The following GALNT4 variants were observed in gnomAD, a reference collection of about 807,000 sequenced individuals.
GALNT4 encodes the protein polypeptide N-acetylgalactosaminyltransferase 4.
In GALNT4, 23 loss-of-function variants were observed where a neutral mutation model predicts 45.1. That is an observed-to-expected ratio of 0.51 (90% CI 0.37 to 0.72). The LOEUF is 0.72. GALNT4 is among the 30% of genes least tolerant of loss of function. The pLI, the probability that GALNT4 is intolerant of heterozygous loss-of-function variation, is 0.00. For synonymous variants in GALNT4, 264 were observed against 257.6 expected (o/e 1.02, Z -0.24); for missense variants, 757 against 709.0 (o/e 1.07, Z -0.77).
At position 89,524,487 on chromosome 12, in the gene GALNT4, G is replaced by C. The variant is rs1024492272; in HGVS notation, c.63C>G (p.Ala21=). The C allele has an allele frequency of 8.1e-6, 13 of 1,613,168 alleles. No individual in the cohort carries two copies. The highest frequency in any genetic ancestry group is 1.7e-5 in the Admixed American group (1 of 60,012). The change falls in exon 1 of 1, where the codon GCC becomes GCG. Residue 21 remains alanine (A), a synonymous_variant. Transcript: ENST00000529983. ...AGACCAAGAGCTCCACGAAGATATA[G>C]GCCACTGTTAAAAACGCCAGCAGCA... The part of the protein sequence containing the change: ...SCLLLAFLTV[A]YIFVELLVST...
chr12:89,524,115 G>C lies in GALNT4; in HGVS notation c.435C>G (p.Asn145Lys), dbSNP rs557300871. Residue 145 changes from asparagine to lysine, a missense_variant, in exon 1 of 1, where the codon AAC becomes AAG. By Grantham distance (94) the Asn-to-Lys change is moderately conservative (BLOSUM62 0). Transcript: ENST00000529983. ...PTTSVIIAFY[N>K]EAWSTLLRTI... The stretch of plus-strand genomic sequence containing the variant: ...TACGGAGCAAAGTCGACCAGGCTTC[G>C]TTATAGAAAGCAATGATAACAGAGG... 23 of 1,613,874 alleles carry C rather than the reference G, an allele frequency of 1.4e-5. No individual in the cohort carries two copies. The highest frequency in any genetic ancestry group is 5.0e-5 in the Admixed American group (3 of 60,014).
chr12:89,523,348 G>C lies in GALNT4; in HGVS notation c.1202C>G (p.Ala401Gly). ...AATATCACCATAAGCTTCTTTTCTT[G>C]CTGGAGGGTTTCTATTGTAGAAGTG... ...KEHFYNRNPP[A>G]RKEAYGDISE... Residue 401 changes from alanine (A) to glycine (G), a missense_variant, in exon 1 of 1, where the codon GCA becomes GGA. Coordinates refer to ENST00000529983, the MANE Select transcript of GALNT4 (RefSeq NM_003774.5). 1 of 1,614,010 alleles carries C rather than the reference G, an allele frequency of 6.2e-7. No individual in the cohort carries two copies. Among genetic ancestry groups the C allele is most frequent in the Non-Finnish European group, 8.5e-7 (1 of 1,179,912 alleles).
chr12:89,521,500 TGAAAAGA>T lies in GALNT4; in HGVS notation c.*1306_*1312del, dbSNP rs1870869904. ...TCAACAACATTACCTATGTCAAAAG[TGAAAAGA>T]TAAAAAGTATTGTAAAGATTGCACA... On this transcript the variant is annotated 3_prime_UTR_variant, in exon 1 of 1. Coordinates refer to ENST00000529983, the MANE Select transcript of GALNT4 (RefSeq NM_003774.5). 6.6e-6 allele frequency: 1 copy of T among 152,376 alleles called. No individual in the cohort carries two copies. Among genetic ancestry groups the T allele is most frequent in the Non-Finnish European group, 1.5e-5 (1 of 68,260 alleles). The allele number at this position is 152,376 out of a possible 1,614,324, so 9.4% of individuals were successfully genotyped here. A position where few individuals can be genotyped will look rare whatever the true frequency, so the allele number is the denominator to read the frequency against.
Position 89,523,643 on chromosome 12 carries a change from G to A in GALNT4, c.907C>T (p.Pro303Ser), listed in dbSNP as rs758629788. 3 of 1,538,496 alleles carry A rather than the reference G, an allele frequency of 1.9e-6. No homozygotes were observed. The highest frequency in any genetic ancestry group is 1.4e-5 in the African/African-American group (1 of 72,174). ...CCAGCCATGGTAGGTGATCTGATGG[G>A]GTCAATTCTTGATATCCGCCTGTCC... The part of the protein sequence containing the change: ...ERDRRISRID[P>S]IRSPTMAGGL... The change falls in exon 1 of 1, where the codon CCC (proline) becomes TCC (serine). Residue 303 changes from proline to serine, a missense_variant. Physicochemically the swap from Pro to Ser is moderately conservative, Grantham distance 74 (BLOSUM62 -1). Coordinates refer to ENST00000529983, the MANE Select transcript of GALNT4 (RefSeq NM_003774.5).
rs1426915074 is a variant in GALNT4 at position 89,519,439 on chromosome 12, TA to T, written c.*3373del. 3.3e-5 allele frequency: 5 copies of T among 152,240 alleles called. No homozygotes were observed. Among genetic ancestry groups the T allele is most frequent in the African/African-American group, 1.2e-4 (5 of 41,466 alleles). 9.4% of individuals were successfully genotyped at this position (152,240 alleles called of 1,614,324 possible). Reference sequence around the variant, plus strand: ...TGCAAAAATAATCAGGCACACTTTTTATTTTACATCTTAATCAACATTACAA... The same window carrying T: ...TGCAAAAATAATCAGGCACACTTTTTTTTTACATCTTAATCAACATTACAA... On this transcript the variant is annotated 3_prime_UTR_variant, in exon 1 of 1. Transcript: ENST00000529983.
Position 89,523,195 on chromosome 12 carries a change from C to T in GALNT4, c.1355G>A (p.Gly452Glu), listed in dbSNP as rs762240631. Residue 452 changes from glycine (G) to glutamate (E), a missense_variant, in exon 1 of 1, where the codon GGG (glycine) becomes GAG (glutamate). Coordinates refer to ENST00000529983, the MANE Select transcript of GALNT4 (RefSeq NM_003774.5). Reference sequence around the variant, plus strand: ...ATAATCTAAACATTCAGACGAGATCCCTCTACTGCGAATAGCCCCATGCCA... The same window carrying T: ...ATAATCTAAACATTCAGACGAGATCTCTCTACTGCGAATAGCCCCATGCCA... ...PGWHGAIRSR[G>E]ISSECLDYNS... The T allele has an allele frequency of 4.3e-6, 7 of 1,613,780 alleles. No homozygotes were observed. In the Admixed American group the frequency reaches 1.2e-4, roughly 27 times the overall value.
In GALNT4 at chr12:89,523,832, G is replaced by C. The variant is rs760474410; in HGVS notation, c.718C>G (p.Leu240Val). Residue 240 changes from leucine (L) to valine (V), a missense_variant, in exon 1 of 1, where the codon CTT becomes GTT. By Grantham distance (32) the Leu-to-Val change is conservative (BLOSUM62 1). Coordinates refer to ENST00000529983, the MANE Select transcript of GALNT4 (RefSeq NM_003774.5). ...CECNSGWLEPLLERIGRDETA... is the reference protein window; with the variant it reads ...CECNSGWLEPVLERIGRDETA... ...TCATCTCTCCCAATCCTTTCCAAAAGCGGTTCCAGCCAACCGGAATTACAC... is the reference window on the plus strand; with the variant it reads ...TCATCTCTCCCAATCCTTTCCAAAACCGGTTCCAGCCAACCGGAATTACAC... 19 of 1,542,176 alleles carry C rather than the reference G, an allele frequency of 1.2e-5. No individual in the cohort carries two copies. Among genetic ancestry groups the C allele is most frequent in the Non-Finnish European group, 1.6e-5 (18 of 1,150,110 alleles).
In GALNT4 at chr12:89,522,082, C is replaced by G. The variant is rs1255577429; in HGVS notation, c.*731G>C. Reference sequence around the variant, plus strand: ...CACACAAACACGTTCACAGAGAAGACAGCTTACAAAATCAGAGGAATCTGA... The same window carrying G: ...CACACAAACACGTTCACAGAGAAGAGAGCTTACAAAATCAGAGGAATCTGA... On this transcript the variant is annotated 3_prime_UTR_variant, in exon 1 of 1. Coordinates refer to ENST00000529983, the MANE Select transcript of GALNT4 (RefSeq NM_003774.5). 1.5e-5 allele frequency: 6 copies of G among 399,004 alleles called. No homozygotes were observed. In the East Asian group the frequency reaches 2.1e-4, roughly 14 times the overall value. 24.7% of individuals were successfully genotyped at this position (399,004 alleles called of 1,614,324 possible). A position where few individuals can be genotyped will look rare whatever the true frequency, so the allele number is the denominator to read the frequency against.
chr12:89,524,715 C>T lies in GALNT4; in HGVS notation c.-166G>A. 1 of 709,564 alleles carries T rather than the reference C, an allele frequency of 1.4e-6. No homozygotes were observed. The highest frequency in any genetic ancestry group is 2.4e-6 in the Non-Finnish European group (1 of 422,574). 44.0% of individuals were successfully genotyped at this position (709,564 alleles called of 1,614,324 possible). A position where few individuals can be genotyped will look rare whatever the true frequency, so the allele number is the denominator to read the frequency against. Reference sequence around the variant, plus strand: ...CAGGCTTTCCAGGGGTCACCTGAGCCCTCTCGGTCCTCGGCCTCCGGCACA... The same window carrying T: ...CAGGCTTTCCAGGGGTCACCTGAGCTCTCTCGGTCCTCGGCCTCCGGCACA... On this transcript the variant is annotated 5_prime_UTR_variant, in exon 1 of 1. Coordinates refer to ENST00000529983, the MANE Select transcript of GALNT4 (RefSeq NM_003774.5).
Position 89,521,527 on chromosome 12 carries a change from T to A in GALNT4, c.*1286A>T, listed in dbSNP as rs1870874070. On this transcript the variant is annotated 3_prime_UTR_variant, in exon 1 of 1. Coordinates refer to ENST00000529983, the MANE Select transcript of GALNT4 (RefSeq NM_003774.5). ...AAAAGATAAAAAGTATTGTAAAGAT[T>A]GCACAGTGAGTCAATCTGGGAAGAA... The A allele has an allele frequency of 6.5e-6, 1 of 153,614 alleles. No individual in the cohort carries two copies. 9.5% of individuals were successfully genotyped at this position (153,614 alleles called of 1,614,324 possible). A position where few individuals can be genotyped will look rare whatever the true frequency, so the allele number is the denominator to read the frequency against.
At position 89,523,450 on chromosome 12, in the gene GALNT4, C is replaced by T. The variant is rs1383717064; in HGVS notation, c.1100G>A (p.Arg367Gln). 11 of 1,613,962 alleles carry T rather than the reference C, an allele frequency of 6.8e-6. No individual in the cohort carries two copies. The highest frequency in any genetic ancestry group is 4.0e-5 in the African/African-American group (3 of 74,926). ...CSHVGHVFPK[R>Q]APYARPNFLQ... ...GAAATTGGGGCGAGCATATGGTGCC[C>T]GCTTGGGGAACACATGGCCCACGTG... The change falls in exon 1 of 1, where the codon CGG becomes CAG. Residue 367 changes from arginine to glutamine, a missense_variant. Arg to Gln is a conservative substitution (Grantham distance 43). Coordinates refer to ENST00000529983, the MANE Select transcript of GALNT4 (RefSeq NM_003774.5).
chr12:89,524,114 C>T lies in GALNT4; in HGVS notation c.436G>A (p.Glu146Lys), dbSNP rs1871193701. The T allele has an allele frequency of 1.2e-6, 2 of 1,613,848 alleles. No individual in the cohort carries two copies. Among genetic ancestry groups the T allele is most frequent in the Non-Finnish European group, 8.5e-7 (1 of 1,179,894 alleles). Reference protein sequence around the residue: ...TTSVIIAFYNEAWSTLLRTIH... With the variant: ...TTSVIIAFYNKAWSTLLRTIH... ...GTACGGAGCAAAGTCGACCAGGCTT[C>T]GTTATAGAAAGCAATGATAACAGAG... The change falls in exon 1 of 1, where the codon GAA (glutamate) becomes AAA (lysine). Residue 146 changes from glutamate (E) to lysine (K), a missense_variant. Transcript: ENST00000529983.
At position 89,523,225 on chromosome 12, in the gene GALNT4, G is replaced by A. The variant is rs952554981; in HGVS notation, c.1325C>T (p.Pro442Leu). ...ACTGCGAATAGCCCCATGCCAGCCT[G>A]GTCTATCCTCTGGAACATGTAAATT... is the stretch of plus-strand genomic sequence containing the variant. Reference protein sequence around the residue: ...FPNLHVPEDRPGWHGAIRSRG... With the variant: ...FPNLHVPEDRLGWHGAIRSRG... Residue 442 changes from proline (P) to leucine (L), a missense_variant, in exon 1 of 1, where the codon CCA (proline) becomes CTA (leucine). Transcript: ENST00000529983. 6.2e-7 allele frequency: 1 copy of A among 1,613,864 alleles called. No individual in the cohort carries two copies. The highest frequency in any genetic ancestry group is 8.5e-7 in the Non-Finnish European group (1 of 1,179,900).
rs370790519 is a variant in GALNT4 at position 89,523,079 on chromosome 12, T to C, written c.1471A>G (p.Asn491Asp). ...ACAGAATTAAACCTTATTTCTTTGT[T>C]TGAAGTATATTCAAAGAATTGATTG... ...GGNQFFEYTS[N>D]KEIRFNSVTE... The change falls in exon 1 of 1, where the codon AAC becomes GAC. Residue 491 changes from asparagine (N) to aspartate (D), a missense_variant. By Grantham distance (23) the Asn-to-Asp change is conservative. Transcript: ENST00000529983. 4.5e-5 allele frequency: 72 copies of C among 1,613,782 alleles called. No homozygotes were observed. In the African/African-American group the frequency reaches 8.0e-4, roughly 18 times the overall value.
At position 89,524,212 on chromosome 12, in the gene GALNT4, T is replaced by A. The variant is rs111836381; in HGVS notation, c.338A>T (p.His113Leu). ...NIYLSDRISL[H>L]RHIEDKRMYE... is the part of the protein sequence containing the mutation. ...CATTCTTTTATCCTCTATGTGTCGA[T>A]GCAGGGAAATCCTGTCACTGAGGTA... The change falls in exon 1 of 1, where the codon CAT becomes CTT. Residue 113 changes from histidine to leucine, a missense_variant. His to Leu is a moderately conservative substitution (Grantham distance 99). Coordinates refer to ENST00000529983, the MANE Select transcript of GALNT4 (RefSeq NM_003774.5). The A allele has an allele frequency of 9.9e-6, 16 of 1,613,918 alleles. No homozygotes were observed. In the African/African-American group the frequency reaches 1.6e-4, roughly 16 times the overall value.
In GALNT4 at chr12:89,523,094, A is replaced by G. The variant is rs1379669820; in HGVS notation, c.1456T>C (p.Phe486Leu). The G allele has an allele frequency of 7.4e-6, 12 of 1,613,806 alleles. No homozygotes were observed. Among genetic ancestry groups the G allele is most frequent in the African/African-American group, 2.7e-5 (2 of 74,942 alleles). Residue 486 changes from phenylalanine to leucine, a missense_variant, in exon 1 of 1, where the codon TTT becomes CTT. Transcript: ENST00000529983. ...GCHGQGGNQF[F>L]EYTSNKEIRF... Reference sequence around the variant, plus strand: ...ATTTCTTTGTTTGAAGTATATTCAAAGAATTGATTGCCTCCTTGACCATGG... The same window carrying G: ...ATTTCTTTGTTTGAAGTATATTCAAGGAATTGATTGCCTCCTTGACCATGG...
rs764561051 is a variant in GALNT4 at position 89,524,131 on chromosome 12, A to G, written c.419T>C (p.Ile140Thr). 6.2e-7 allele frequency: 1 copy of G among 1,613,938 alleles called. No individual in the cohort carries two copies. The highest frequency in any genetic ancestry group is 1.3e-5 in the African/African-American group (1 of 74,942). ...CCAGGCTTCGTTATAGAAAGCAATG[A>G]TAACAGAGGTGGTAGGAAGTGTCCT... ...NYRTLPTTSV[I>T]IAFYNEAWST... Residue 140 changes from isoleucine to threonine, a missense_variant, in exon 1 of 1, where the codon ATC becomes ACC. Coordinates refer to ENST00000529983, the MANE Select transcript of GALNT4 (RefSeq NM_003774.5).
Position 89,523,960 on chromosome 12 carries a change from C to G in GALNT4, c.590G>C (p.Arg197Pro). ...ETYISNLDRV[R>P]LIRTNKREGL... ...CTCTCGCTTATTGGTCCTAATCAAG[C>G]GTACTCTATCAAGATTGCTGATGTA... is the stretch of plus-strand genomic sequence containing the variant. Residue 197 changes from arginine (R) to proline (P), a missense_variant, in exon 1 of 1, where the codon CGC becomes CCC. By Grantham distance (103) the Arg-to-Pro change is moderately radical (BLOSUM62 -2). Transcript: ENST00000529983. The G allele has an allele frequency of 6.2e-7, 1 of 1,613,766 alleles. No individual in the cohort carries two copies. The highest frequency in any genetic ancestry group is 1.1e-5 in the South Asian group (1 of 91,018).
chr12:89,523,944 A>G lies in GALNT4; in HGVS notation c.606T>C (p.Asn202=). ...GGGCCCTAACCAGCCCCTCTCGCTT[A>G]TTGGTCCTAATCAAGCGTACTCTAT... The part of the protein sequence containing the change: ...NLDRVRLIRT[N]KREGLVRARL... The change falls in exon 1 of 1, where the codon AAT becomes AAC. Residue 202 remains asparagine (N), a synonymous_variant. Transcript: ENST00000529983. 1.2e-6 allele frequency: 2 copies of G among 1,613,286 alleles called. No homozygotes were observed. Among genetic ancestry groups the G allele is most frequent in the East Asian group, 2.2e-5 (1 of 44,884 alleles).
Sources: gnomAD v4.1 joint callset for allele counts on GRCh38, gnomAD v4.1.1 for gene constraint, MANE v1.5 for transcripts, NCBI Gene and HGNC (gene_info 2026-07-23, HGNC 2026-07-21) for gene names.